Variants in CIMAP2 observed in about 807,000 individuals in gnomAD.
The protein encoded by CIMAP2 is ciliary microtubule associated protein 2, also known as ciliary microtubule-associated protein 2.
chr1:54,814,627 C>G, the CIMAP2 span, among the ~76,000 whole-genome samples: 1 of 152,230 alleles, frequency 6.6e-6, no homozygotes, highest in Non-Finnish European at 1.5e-5. Context: ...GGTGTGGTCT[C>G]CTTCCTCAGA....
the CIMAP2 span, among the ~76,000 whole-genome samples, chr1:54,812,567 A>G: frequency 1.3e-5 from 2 of 152,228 alleles, no homozygotes; most frequent in Non-Finnish European, 2.9e-5. Context: ...TGGAAACAGC[A>G]GGCATTATAG....
the CIMAP2 span, among the ~76,000 whole-genome samples, chr1:54,833,879 G>C: frequency 6.6e-6 from 1 of 151,694 alleles, no homozygotes; most frequent in East Asian, 1.9e-4. Context: ...ATGGAGTCAC[G>C]CACTTGTTGC....
the CIMAP2 span, among the ~76,000 whole-genome samples, chr1:54,830,551 G>T: frequency 7.9e-3 from 1,204 of 152,258 alleles, 20 homozygotes; most frequent in African/African-American, 0.027. This position sits in a 1 kb window ranked among gnomAD's most constrained non-coding sequence, Gnocchi z 4.1. Flanking sequence ...TGGTACTCAT[G>T]ATTTCAGCTA....
At chr1:54,813,669 TGGCCCGGCCTCC>T in the CIMAP2 span, 64 of 799,596 alleles carry the variant, frequency 8.0e-5, no homozygotes, top group South Asian at 1.3e-3. Context: ...GCCTTGAGGC[TGGCCCGGCCTCC>T]GGCCTCCGGG....
At chr1:54,831,924 G>C in the CIMAP2 span, among the ~76,000 whole-genome samples, 1 of 152,216 alleles carries the variant, frequency 6.6e-6, no homozygotes, top group South Asian at 2.1e-4. Flanking sequence ...ACAGCTCGCT[G>C]CAGCCTTGAC....
At chr1:54,811,766 C>CCGGGGGG in the CIMAP2 span, 42 of 1,305,148 alleles carry the variant, frequency 3.2e-5, no homozygotes, top group East Asian at 7.5e-5. Context: ...GTTCTGACAG[C>CCGGGGGG]CTCCATGCCC....
At chr1:54,835,299 C>G in the CIMAP2 span, among the ~76,000 whole-genome samples, 3 of 152,118 alleles carry the variant, frequency 2.0e-5, no homozygotes, top group Non-Finnish European at 4.4e-5. Flanking sequence ...TCAAGCAATC[C>G]TCTCACCTCA....
At chr1:54,819,142 T>C in the CIMAP2 span, among the ~76,000 whole-genome samples, 2 of 152,190 alleles carry the variant, frequency 1.3e-5, no homozygotes, top group East Asian at 1.9e-4. Context: ...TGTGGGACTA[T>C]TCAGCTTCTC....
the CIMAP2 span, among the ~76,000 whole-genome samples, chr1:54,810,224 A>C: frequency 2.0e-5 from 3 of 152,160 alleles, no homozygotes; most frequent in African/African-American, 7.2e-5. Context: ...AGAGCCTGGC[A>C]AACAGTAGAG....
chr1:54,807,001 A>G, the CIMAP2 span: 2 of 1,613,592 alleles, frequency 1.2e-6, no homozygotes, highest in Non-Finnish European at 1.7e-6. Flanking sequence ...CCTAGGTTTG[A>G]CATCTCTGCT....
At chr1:54,837,623 T>G in the CIMAP2 span, among the ~76,000 whole-genome samples, 3 of 152,136 alleles carry the variant, frequency 2.0e-5, no homozygotes, top group Non-Finnish European at 4.4e-5. Context: ...GCATTCCAGG[T>G]GCCTGCCCAC....
the CIMAP2 span, among the ~76,000 whole-genome samples, chr1:54,836,282 CGCCTGCCTGCCTGCCTGCCTGCCT>C: frequency 1 from 150,066 of 150,750 alleles, 74,698 homozygotes; most frequent in East Asian, 1. Flanking sequence ...CCTACCTGCC[CGCCTGCCTGCCTGCCTGCCTGCCT>C]GCCTGCCTGC....
the CIMAP2 span, among the ~76,000 whole-genome samples, chr1:54,814,352 C>A: frequency 2.2e-3 from 333 of 152,306 alleles, 1 homozygote; most frequent in African/African-American, 7.7e-3. Context: ...GTGCAGTCTA[C>A]CCACTGGGAC....
At chr1:54,811,765 G>GCCGGGGGGGGGGGCCCCCCCCCCCCCC in the CIMAP2 span, 12 of 1,301,308 alleles carry the variant, frequency 9.2e-6, no homozygotes, top group African/African-American at 1.5e-5. Context: ...GGTTCTGACA[G>GCCGGGGGGGGGGGCCCCCCCCCCCCCC]CCTCCATGCC....
chr1:54,838,933 A>AC, the CIMAP2 span, among the ~76,000 whole-genome samples: 150 of 65,570 alleles, frequency 2.3e-3, no homozygotes, highest in African/African-American at 5.0e-3. Flanking sequence ...TGGGGCAGGG[A>AC]TTGGGGGGAG....
At chr1:54,810,377 G>C in the CIMAP2 span, among the ~76,000 whole-genome samples, 1 of 152,196 alleles carries the variant, frequency 6.6e-6, no homozygotes, top group Non-Finnish European at 1.5e-5. Context: ...GTCTCCCCCA[G>C]TCACTGCCAG....
chr1:54,809,760 G>T, the CIMAP2 span, among the ~76,000 whole-genome samples: 2 of 152,060 alleles, frequency 1.3e-5, no homozygotes, highest in African/African-American at 2.4e-5. Context: ...GATGGCAGGG[G>T]AGCTAGGGGG....
the CIMAP2 span, among the ~76,000 whole-genome samples, chr1:54,840,359 GAC>G: frequency 1.3e-5 from 2 of 152,220 alleles, no homozygotes; most frequent in African/African-American, 4.8e-5. Context: ...GTATGGTTGT[GAC>G]ACAGTTTGTT....
chr1:54,820,957 C>T, the CIMAP2 span, among the ~76,000 whole-genome samples: 7 of 151,956 alleles, frequency 4.6e-5, no homozygotes, highest in African/African-American at 1.5e-4. Flanking sequence ...TTAGTAGAGA[C>T]GGGGTTTCAC....
Sources: allele counts gnomAD v4.1 joint callset (sites outside exome capture counted in the v4.1 genomes callset), GRCh38; gene constraint gnomAD v4.1.1; non-coding constraint Gnocchi (gnomAD v3.1); transcripts MANE v1.5; gene names NCBI Gene and HGNC (gene_info 2026-07-23, HGNC 2026-07-21).